Variants in PTPN13 observed in about 807,000 individuals in gnomAD.
PTPN13 encodes tyrosine-protein phosphatase non-receptor type 13.
In PTPN13, 191 loss-of-function variants were observed where a neutral mutation model predicts 284.0. The ratio of observed to expected loss-of-function variants is 0.67; its 90% CI spans 0.60 to 0.76. The LOEUF is 0.76. Ranked by LOEUF, PTPN13 falls within the 30% of genes least tolerant of loss-of-function variation. PTPN13 has a pLI of 0.00. For missense variants in PTPN13, 2,797 were observed against 2,939.9 expected, an observed-to-expected ratio of 0.95 and a Z score of 1.12; for synonymous variants, 986 against 1,022.3, an observed-to-expected ratio of 0.96 and a Z score of 0.68.
chr4:86,685,922 C>T (rs947244894), intron 3 of PTPN13, among the ~76,000 whole-genome samples: 1 of 152,106 alleles, frequency 6.6e-6, no homozygotes, highest in East Asian at 1.9e-4. Context: ...TTTGTAGTAG[C>T]AAAGGTTTGA....
intron 17 of PTPN13, among the ~76,000 whole-genome samples, chr4:86,750,230 G>A (rs1053501078): frequency 5.9e-5 from 9 of 152,158 alleles, no homozygotes; most frequent in Non-Finnish European, 1.2e-4. Context: ...ATCATTAGAT[G>A]AAGCAGGAAA....
rs372512225 is a variant in PTPN13 at position 86,606,488 on chromosome 4, G to A, written c.-6+11699G>A. On this transcript the variant is annotated intron_variant, in intron 1 of 47. Coordinates refer to ENST00000411767, the MANE Select transcript of PTPN13 (RefSeq NM_080683.3). ...GTAAGTGCTTTCCACAAATTGTTTT[G>A]ACTACTGTCTAAAGAAATAGAAATG... Among the ~76,000 whole-genome samples, 7 of 151,738 alleles carry A rather than the reference G, an allele frequency of 4.6e-5. No individual in the cohort carries two copies. In the East Asian group the frequency reaches 1.2e-3, roughly 25 times the overall value.
At chr4:86,664,950 C>G (rs1726891869) in intron 2 of PTPN13, among the ~76,000 whole-genome samples, 1 of 151,196 alleles carries the variant, frequency 6.6e-6, no homozygotes, top group Non-Finnish European at 1.5e-5. Flanking sequence ...TTTGGTTTTA[C>G]TAATATAGTG....
chr4:86,682,618 T>G (rs930100711), intron 3 of PTPN13, among the ~76,000 whole-genome samples: 2 of 152,076 alleles, frequency 1.3e-5, no homozygotes, highest in Non-Finnish European at 2.9e-5. Flanking sequence ...CCTTCCTCCT[T>G]TCTACACAAT....
At chr4:86,735,512 A>G in intron 14 of PTPN13, 82 bp from the exon 15 acceptor site, 1 of 1,480,806 alleles carries the variant, frequency 6.8e-7, no homozygotes, top group African/African-American at 1.4e-5. Context: ...TCTTAGCCAA[A>G]GCAAGAACTT....
chr4:86,610,160 G>A (rs1452977279), intron 1 of PTPN13, among the ~76,000 whole-genome samples: 1 of 152,010 alleles, frequency 6.6e-6, no homozygotes, highest in Non-Finnish European at 1.5e-5. Context: ...GTTGCGGTGA[G>A]CCAAGATCAC....
At chr4:86,683,976 T>A (rs1729173837) in intron 3 of PTPN13, among the ~76,000 whole-genome samples, 1 of 152,158 alleles carries the variant, frequency 6.6e-6, no homozygotes, top group Non-Finnish European at 1.5e-5. Flanking sequence ...AGAAATATGA[T>A]ACAAATAGTC....
chr4:86,756,793 G>T (rs1320239806), intron 20 of PTPN13, among the ~76,000 whole-genome samples: 1 of 152,064 alleles, frequency 6.6e-6, no homozygotes, highest in Non-Finnish European at 1.5e-5. Flanking sequence ...AAGTCCATGG[G>T]TGGTTATATG....
Position 86,717,089 on chromosome 4 carries a change from T to G in PTPN13, c.1357T>G (p.Leu453Val). 9 of 1,612,892 alleles carry G rather than the reference T, an allele frequency of 5.6e-6. No individual in the cohort carries two copies. The highest frequency in any genetic ancestry group is 7.6e-6 in the Non-Finnish European group (9 of 1,179,470). ...SSGLPGVDET[L>V]SQGQSQRPSR... ...TGGTCTCCCAGGGGTAGATGAAACC[T>G]TAAGTCAAGGCCAGTCACAGAGACC... The change falls in exon 9 of 48, where the codon TTA becomes GTA. Residue 453 changes from leucine to valine, a missense_variant. Leu to Val is a conservative substitution (Grantham distance 32). Coordinates refer to ENST00000411767, the MANE Select transcript of PTPN13 (RefSeq NM_080683.3).
At chr4:86,750,142 A>G (rs1203378968) in intron 17 of PTPN13, among the ~76,000 whole-genome samples, 1 of 152,174 alleles carries the variant, frequency 6.6e-6, no homozygotes, top group Non-Finnish European at 1.5e-5. Flanking sequence ...GTTAAATGTC[A>G]TTCTCATTTC....
At chr4:86,647,992 T>TA (rs1296766168) in intron 2 of PTPN13, among the ~76,000 whole-genome samples, 4 of 151,922 alleles carry the variant, frequency 2.6e-5, no homozygotes, top group Admixed American at 6.6e-5. Context: ...ACAGGCAGAA[T>TA]AAAAAAAATT....
In PTPN13 at chr4:86,735,636, G is replaced by C. The variant is rs200458008; in HGVS notation, c.2194G>C (p.Ala732Pro). 8.7e-5 allele frequency: 140 copies of C among 1,613,284 alleles called. No individual in the cohort carries two copies. The Admixed American group carries it at 2.2e-3, about 25-fold the overall frequency. Residue 732 changes from alanine to proline, a missense_variant, in exon 15 of 48, where the codon GCC (alanine) becomes CCC (proline). Transcript: ENST00000411767. ...SYFRMEHYLP[A>P]RVMEKLDLSY... The stretch of plus-strand genomic sequence containing the variant: ...CTTTAGAATGGAGCACTATTTGCCC[G>C]CCAGAGTGATGGAGAAACTTGATTT...
chr4:86,797,035 T>C, intron 41 of PTPN13, 106 bp downstream of exon 41: 4 of 797,720 alleles, frequency 5.0e-6, no homozygotes, highest in Non-Finnish European at 7.7e-6. Flanking sequence ...TTGAGTAGAT[T>C]ATAAAACTAT....
In PTPN13 at chr4:86,765,394, G is replaced by T; in HGVS notation, c.4150-1G>T. 1 of 1,591,760 alleles carries T rather than the reference G, an allele frequency of 6.3e-7. No individual in the cohort carries two copies. Among genetic ancestry groups the T allele is most frequent in the South Asian group, 1.1e-5 (1 of 87,240 alleles). On this transcript the variant is annotated splice_acceptor_variant, in intron 25 of 47. Transcript: ENST00000411767. LOFTEE classifies it high-confidence loss of function. ...ATATTATTTTGTCTTTTTCTCTTTA[G>T]GGAGGTGTGAATACGAGTGTCAGAC... is the stretch of plus-strand genomic sequence containing the variant.
intron 6 of PTPN13, among the ~76,000 whole-genome samples, chr4:86,698,991 TAA>T (rs1023712641): frequency 5.3e-5 from 8 of 152,090 alleles, no homozygotes; most frequent in Admixed American, 2.0e-4. Context: ...ACGAAAGAAG[TAA>T]AGTCTTTGAT....
chr4:86,633,512 C>G (rs1307570087), intron 1 of PTPN13, among the ~76,000 whole-genome samples: 3 of 152,162 alleles, frequency 2.0e-5, no homozygotes, highest in Non-Finnish European at 4.4e-5. Context: ...TTTCCACATC[C>G]CTCCCACTTT....
At chr4:86,613,650 A>AAAAAAAAAAAAAAAAT (rs1565145874) in intron 1 of PTPN13, among the ~76,000 whole-genome samples, 23 of 151,888 alleles carry the variant, frequency 1.5e-4, no homozygotes, top group African/African-American at 5.6e-4. Flanking sequence ...AAAAAAAAAA[A>AAAAAAAAAAAAAAAAT]AGAGTTTGGG....
At chr4:86,755,258 A>G (rs1178464899) in intron 20 of PTPN13, among the ~76,000 whole-genome samples, 5 of 152,064 alleles carry the variant, frequency 3.3e-5, no homozygotes, top group Non-Finnish European at 7.4e-5. Context: ...GAAAAGATAA[A>G]AAAGTCATGA....
chr4:86,806,496 A>G (rs1744678816), intron 44 of PTPN13, among the ~76,000 whole-genome samples: 1 of 152,228 alleles, frequency 6.6e-6, no homozygotes, highest in Non-Finnish European at 1.5e-5. Flanking sequence ...AGCTTCCTGT[A>G]AGAAATGAAT....
Sources: allele counts gnomAD v4.1 joint callset (sites outside exome capture counted in the v4.1 genomes callset), GRCh38; gene constraint gnomAD v4.1.1; transcripts MANE v1.5; gene names NCBI Gene and HGNC (gene_info 2026-07-23, HGNC 2026-07-21).